Variants in PCDHA6 observed in about 807,000 individuals in gnomAD.
PCDHA6 encodes protocadherin alpha 6, also known as protocadherin alpha-6.
In PCDHA6, 55 loss-of-function variants were observed where a neutral mutation model predicts 60.3. The ratio of observed to expected loss-of-function variants is 0.91; its 90% confidence interval spans 0.73 to 1.14. The LOEUF (loss-of-function observed/expected upper bound fraction) is 1.14, where lower values mean the gene tolerates loss of function less well. Among genes scored for constraint, PCDHA6 ranks in the 50% most tolerant of loss-of-function variants. The pLI, the probability that PCDHA6 is intolerant of heterozygous loss-of-function variation, is 0.00. For synonymous variants in PCDHA6, 652 were observed against 557.9 expected (o/e 1.17, Z -2.38); for missense variants, 1,327 against 1,256.5 (o/e 1.06, Z -0.85).
intron 1 of PCDHA6, among the ~76,000 whole-genome samples, chr5:140,879,219 A>G (rs2057906971): frequency 6.6e-6 from 1 of 152,252 alleles, no homozygotes; most frequent in South Asian, 2.1e-4. Context: ...AATGAATTGA[A>G]AAAGACATAT....
In PCDHA6 at chr5:140,828,269, G is replaced by A. The variant is rs201116419; in HGVS notation, c.178G>A (p.Val60Met). The A allele has an allele frequency of 1.1e-4, 175 of 1,613,940 alleles. No individual in the cohort carries two copies. The highest frequency in any genetic ancestry group is 8.3e-5 in the Admixed American group (5 of 60,012). The change falls in exon 1 of 4, where the codon GTG becomes ATG. Residue 60 changes from valine (V) to methionine (M), a missense_variant. Transcript: ENST00000529310. ...CCTGGGGCTGGAGCTGGCGGAGCTG[G>A]TGCCGCGCCTGTTCAGGATGGCCTC... ...QDLGLELAEL[V>M]PRLFRMASKD...
At chr5:140,884,120 G>A in intron 1 of PCDHA6, 1 of 1,613,322 alleles carries the variant, frequency 6.2e-7, no homozygotes, top group Non-Finnish European at 8.5e-7. Flanking sequence ...GGCGGTCGGC[G>A]CGCGCATCCC....
Position 140,830,272 on chromosome 5 carries a change from C to T in PCDHA6, c.2181C>T (p.Pro727=), listed in dbSNP as rs2150183943. ...LYTALRCSAP[P]TEGACTADKP... ...CAGCGCTGCGGTGCTCGGCGCCACC[C>T]ACCGAGGGCGCGTGCACGGCGGACA... Residue 727 remains proline, a synonymous_variant, in exon 1 of 4, where the codon CCC becomes CCT. Transcript: ENST00000529310. 3 of 1,613,840 alleles carry T rather than the reference C, an allele frequency of 1.9e-6. No individual in the cohort carries two copies. Among genetic ancestry groups the T allele is most frequent in the African/African-American group, 2.7e-5 (2 of 75,046 alleles).
chr5:140,927,420 G>A (rs782549245), intron 1 of PCDHA6: 5 of 1,614,108 alleles, frequency 3.1e-6, no homozygotes, highest in Non-Finnish European at 4.2e-6. Flanking sequence ...TGGGATCGCG[G>A]GTTGACGGCA....
intron 1 of PCDHA6, among the ~76,000 whole-genome samples, chr5:140,951,337 G>C (rs1346350844): frequency 6.6e-6 from 1 of 151,970 alleles, no homozygotes; most frequent in Non-Finnish European, 1.5e-5. Context: ...CATTCTGTTT[G>C]TGTTAGTCCA....
rs144568392 is a variant in PCDHA6 at position 140,837,758 on chromosome 5, C to T, written c.2394+7273C>T. Among the ~76,000 whole-genome samples the T allele has an allele frequency of 1.3e-4, 19 of 151,820 alleles. No homozygotes were observed. The South Asian group carries it at 1.5e-3, about 12-fold the overall frequency. On this transcript the variant is annotated intron_variant, in intron 1 of 3. Transcript: ENST00000529310. ...GTGGTGGGATTATAGCCCACTGCAA[C>T]CTGAAAGTCCTGGGCTCACAGGATC...
At chr5:140,985,127 C>T (rs986497777) in intron 3 of PCDHA6, among the ~76,000 whole-genome samples, 7 of 152,152 alleles carry the variant, frequency 4.6e-5, no homozygotes, top group Non-Finnish European at 1.0e-4. Flanking sequence ...TTAGTAAAGA[C>T]GGGGTTTCAC....
chr5:140,915,838 A>AG (rs1359061531), intron 1 of PCDHA6, among the ~76,000 whole-genome samples: 1 of 152,154 alleles, frequency 6.6e-6, no homozygotes, highest in Admixed American at 6.5e-5. Flanking sequence ...TAAGATCAGC[A>AG]GGGGGTGACA....
rs782590903 is a variant in PCDHA6, at chr5:140,830,276, G to T, written c.2185G>T (p.Glu729Ter). ...GCTGCGGTGCTCGGCGCCACCCACC[G>T]AGGGCGCGTGCACGGCGGACAAGCC... Reference protein sequence around the residue: ...TALRCSAPPTEGACTADKPTL... With the variant: ...TALRCSAPPT Residue 729 changes from glutamate to a stop codon, truncating the protein, a stop_gained, in exon 1 of 4, where the codon GAG (glutamate) becomes TAG (stop). Coordinates refer to ENST00000529310, the MANE Select transcript of PCDHA6 (RefSeq NM_018909.4). LOFTEE classifies it high-confidence loss of function. 1.2e-6 allele frequency: 2 copies of T among 1,613,712 alleles called. No homozygotes were observed. The highest frequency in any genetic ancestry group is 1.7e-6 in the Non-Finnish European group (2 of 1,179,874).
chr5:140,967,262 C>G (rs1554229356), intron 1 of PCDHA6: 1 of 1,613,522 alleles, frequency 6.2e-7, no homozygotes, highest in African/African-American at 1.3e-5. Flanking sequence ...GCCTGGAGCG[C>G]GCTTTCACAT....
At chr5:140,841,320 A>T in intron 1 of PCDHA6, 1 of 1,602,072 alleles carries the variant, frequency 6.2e-7, no homozygotes, top group African/African-American at 1.3e-5. Context: ...CGACTATTTA[A>T]CATGGATTAT....
In PCDHA6 at chr5:140,968,804, G is replaced by T. The variant is rs147800392; in HGVS notation, c.2395-10145G>T. ...AGCCTCTGTGGCCATTACAGTAGCT[G>T]TGGTGGATAGGGTTTCCAAAATCCT... On this transcript the variant is annotated intron_variant, in intron 1 of 3. Transcript: ENST00000529310. 703 of 1,614,106 alleles carry T rather than the reference G, an allele frequency of 4.4e-4. No homozygotes were observed. The highest frequency in any genetic ancestry group is 5.7e-4 in the Non-Finnish European group (677 of 1,180,052).
intron 1 of PCDHA6, chr5:140,868,990 G>T: frequency 6.6e-7 from 1 of 1,511,604 alleles, no homozygotes; most frequent in Non-Finnish European, 8.8e-7. Flanking sequence ...GGATGCCACC[G>T]TTTAAGGATC....
intron 1 of PCDHA6, chr5:140,877,061 T>A (rs2056822485): frequency 3.1e-6 from 5 of 1,612,978 alleles, no homozygotes; most frequent in African/African-American, 1.3e-5. Flanking sequence ...GAGCTGGAGC[T>A]GCTGCAGTTC....
intron 1 of PCDHA6, among the ~76,000 whole-genome samples, chr5:140,949,796 C>G (rs1471707326): frequency 6.6e-6 from 1 of 151,864 alleles, no homozygotes; most frequent in Non-Finnish European, 1.5e-5. Context: ...TTGTGTCCTT[C>G]AATACATTAT....
chr5:140,981,673 C>T (rs1184909774), intron 2 of PCDHA6, among the ~76,000 whole-genome samples: 1 of 152,108 alleles, frequency 6.6e-6, no homozygotes, highest in African/African-American at 2.4e-5. Flanking sequence ...TTCCTTTCTT[C>T]CTTCCTCCCT....
At chr5:140,979,215 G>A (rs1463069868) in intron 2 of PCDHA6, among the ~76,000 whole-genome samples, 5 of 152,178 alleles carry the variant, frequency 3.3e-5, no homozygotes, top group African/African-American at 4.8e-5. Context: ...TGGCATATAA[G>A]AGTCCTCTGT....
At chr5:140,905,343 G>C (rs2071757275) in intron 1 of PCDHA6, among the ~76,000 whole-genome samples, 1 of 152,148 alleles carries the variant, frequency 6.6e-6, no homozygotes, top group Non-Finnish European at 1.5e-5. Context: ...TCAGTTGGCT[G>C]TAAGTATTTG....
intron 1 of PCDHA6, among the ~76,000 whole-genome samples, chr5:140,908,903 C>T (rs116633080): frequency 2.5e-3 from 374 of 152,278 alleles, no homozygotes; most frequent in African/African-American, 8.5e-3. Context: ...AAGCCTCTTT[C>T]GTGGTTGTAG....
Sources: gnomAD v4.1 joint callset for allele counts (sites outside exome capture counted in the v4.1 genomes callset) on GRCh38, gnomAD v4.1.1 for gene constraint, MANE v1.5 for transcripts, NCBI Gene and HGNC (gene_info 2026-07-23, HGNC 2026-07-21) for gene names.